CKLF: variants seen among roughly 807,000 people sequenced by gnomAD.
CKLF encodes the protein chemokine-like factor.
A neutral mutation model predicts 12.9 loss-of-function variants in CKLF; 16 were observed. The observed-to-expected ratio is 1.24, with a 90% confidence interval of 0.84 to 1.88. CKLF has a LOEUF of 1.88. Ranked by LOEUF, CKLF falls within the 40% of genes most tolerant of loss-of-function variation. The pLI is 0.00. For synonymous variants in CKLF, 61 were observed against 69.0 expected (o/e 0.88, Z 0.57); for missense variants, 172 against 188.5 (o/e 0.91, Z 0.51).
intron 1 of CKLF, among the ~76,000 whole-genome samples, chr16:66,556,270 A>G (rs2011450095): frequency 6.6e-6 from 1 of 152,196 alleles, no homozygotes; most frequent in Non-Finnish European, 1.5e-5. Context: ...GTCCACTAGG[A>G]TAAGGAATGA....
At chr16:66,562,698 A>G (rs992368507) in intron 2 of CKLF, among the ~76,000 whole-genome samples, 1 of 152,204 alleles carries the variant, frequency 6.6e-6, no homozygotes, top group Non-Finnish European at 1.5e-5. Flanking sequence ...GTTTAATAAA[A>G]TGAAACTTTC....
At chr16:66,557,651 T>C (rs1262646936) in intron 1 of CKLF, among the ~76,000 whole-genome samples, 2 of 152,206 alleles carry the variant, frequency 1.3e-5, no homozygotes, top group Non-Finnish European at 2.9e-5. Context: ...GAACAAGGGT[T>C]TCTGTGGGGA....
intron 2 of CKLF, among the ~76,000 whole-genome samples, chr16:66,559,993 CAG>C (rs1171975142): frequency 6.6e-6 from 1 of 152,102 alleles, no homozygotes; most frequent in Non-Finnish European, 1.5e-5. Context: ...GGAAGCAACA[CAG>C]AGAATATAGG....
intron 3 of CKLF, 105 bp downstream of exon 3, chr16:66,563,322 G>T: frequency 7.3e-7 from 1 of 1,372,036 alleles, no homozygotes; most frequent in Non-Finnish European, 1.0e-6. Flanking sequence ...TCATCCTTGA[G>T]ATTCCTAGGC....
At chr16:66,555,395 TAAG>T (rs1184351623) in intron 1 of CKLF, among the ~76,000 whole-genome samples, 3 of 152,116 alleles carry the variant, frequency 2.0e-5, no homozygotes, top group African/African-American at 7.2e-5. Flanking sequence ...AAGCAGGTAA[TAAG>T]AAGTGGCCAC....
Position 66,566,037 on chromosome 16 carries a change from C to CTAAG in CKLF, c.*29_*32dup. The stretch of plus-strand genomic sequence containing the variant: ...TTTTATATTACTTTTTAGTTTGATA[C>CTAAG]TAAGTATTAAACATATTTCTGTATT... On this transcript the variant is annotated 3_prime_UTR_variant, in exon 4 of 4. Transcript: ENST00000264001. This position sits in a 1 kb window ranked among gnomAD's most constrained non-coding sequence, Gnocchi z 4.9. 6.2e-7 allele frequency: 1 copy of CTAAG among 1,608,038 alleles called. No homozygotes were observed. The highest frequency in any genetic ancestry group is 8.5e-7 in the Non-Finnish European group (1 of 1,175,150).
intron 1 of CKLF, among the ~76,000 whole-genome samples, chr16:66,553,841 G>C (rs2011294028): frequency 6.6e-6 from 1 of 152,206 alleles, no homozygotes; most frequent in African/African-American, 2.4e-5. Flanking sequence ...CTTAAGGTGA[G>C]TGGGTTGAAC....
At position 66,558,223 on chromosome 16, in the gene CKLF, A is replaced by T; in HGVS notation, c.112A>T (p.Ile38Phe). The change falls in exon 2 of 4, where the codon ATC becomes TTC. Residue 38 changes from isoleucine to phenylalanine, a missense_variant. Ile to Phe is a conservative substitution (Grantham distance 21). Transcript: ENST00000264001. ...TGTGACATCTATGACCTTTTTTATC[A>T]TCGCACAAGCCCCTGAACCATATAT... Reference protein sequence around the residue: ...LTVTSMTFFIIAQAPEPYIVI... With the variant: ...LTVTSMTFFIFAQAPEPYIVI... 1 of 1,612,232 alleles carries T rather than the reference A, an allele frequency of 6.2e-7. No individual in the cohort carries two copies. The highest frequency in any genetic ancestry group is 8.5e-7 in the Non-Finnish European group (1 of 1,179,638).
chr16:66,559,572 GC>G (rs1160652321), intron 2 of CKLF, among the ~76,000 whole-genome samples: 1 of 152,184 alleles, frequency 6.6e-6, no homozygotes, highest in Non-Finnish European at 1.5e-5. Flanking sequence ...TTGTATAGTT[GC>G]TTTTCACACT....
At position 66,565,878 on chromosome 16, in the gene CKLF, C is replaced by G; in HGVS notation, c.334-8C>G. On this transcript the variant is annotated splice_region_variant and splice_polypyrimidine_tract_variant and intron_variant, in intron 3 of 3. Transcript: ENST00000264001. Reference sequence around the variant, plus strand: ...GGTTAGGGCAGTGACACTTGTCTTTCTTTCCAGGTGTTTGCACTTGTGACA... The same window carrying G: ...GGTTAGGGCAGTGACACTTGTCTTTGTTTCCAGGTGTTTGCACTTGTGACA... The G allele has an allele frequency of 6.2e-7, 1 of 1,613,474 alleles. No individual in the cohort carries two copies. Among genetic ancestry groups the G allele is most frequent in the Non-Finnish European group, 8.5e-7 (1 of 1,179,672 alleles).
At chr16:66,560,076 G>A (rs745730056) in intron 2 of CKLF, among the ~76,000 whole-genome samples, 34 of 152,156 alleles carry the variant, frequency 2.2e-4, no homozygotes, top group South Asian at 8.3e-4. Flanking sequence ...AGTCACAGTA[G>A]GCTGTGAAGA....
chr16:66,563,965 G>A (rs542683959), intron 3 of CKLF, among the ~76,000 whole-genome samples: 6 of 152,248 alleles, frequency 3.9e-5, no homozygotes, highest in South Asian at 2.1e-4. Flanking sequence ...GGGTCACTTA[G>A]GAGAACTCTC....
In CKLF at chr16:66,566,022, C is replaced by G. The variant is rs765947431; in HGVS notation, c.*11C>G. 6.2e-7 allele frequency: 1 copy of G among 1,608,440 alleles called. No individual in the cohort carries two copies. Among genetic ancestry groups the G allele is most frequent in the Admixed American group, 1.7e-5 (1 of 59,848 alleles). ...AAAGAAGTTTTGTAATTTTATATTA[C>G]TTTTTAGTTTGATACTAAGTATTAA... On this transcript the variant is annotated 3_prime_UTR_variant, in exon 4 of 4. Transcript: ENST00000264001. This position sits in a 1 kb window ranked among gnomAD's most constrained non-coding sequence, Gnocchi z 4.9.
intron 2 of CKLF, among the ~76,000 whole-genome samples, chr16:66,558,932 A>C (rs1391681832): frequency 6.6e-6 from 1 of 152,252 alleles, no homozygotes; most frequent in East Asian, 1.9e-4. Context: ...TGGAATGCCC[A>C]GATGGTTCTG....
chr16:66,558,213 C>CT lies in CKLF; in HGVS notation c.108dup (p.Ile37TyrfsTer7), dbSNP rs1443302361. The CT allele has an allele frequency of 4.3e-6, 7 of 1,612,312 alleles. No individual in the cohort carries two copies. Among genetic ancestry groups the CT allele is most frequent in the African/African-American group, 2.7e-5 (2 of 74,890 alleles). On this transcript the variant is annotated frameshift_variant, in exon 2 of 4. Transcript: ENST00000264001. LOFTEE classifies it high-confidence loss of function. Reference sequence around the variant, plus strand: ...AGGCACTAACTGTGACATCTATGACCTTTTTTATCATCGCACAAGCCCCTG... The same window carrying CT: ...AGGCACTAACTGTGACATCTATGACCTTTTTTTATCATCGCACAAGCCCCTG...
Position 66,552,676 on chromosome 16 carries a change from A to T in CKLF, c.-40A>T. 1 of 1,613,522 alleles carries T rather than the reference A, an allele frequency of 6.2e-7. No homozygotes were observed. Among genetic ancestry groups the T allele is most frequent in the Non-Finnish European group, 8.5e-7 (1 of 1,179,560 alleles). ...AACCTACTCAGGCAGCCAGCTGAGAAGAGTTGAGGGAAAGTGCTGCTGCTG... is the reference window on the plus strand; with the variant it reads ...AACCTACTCAGGCAGCCAGCTGAGATGAGTTGAGGGAAAGTGCTGCTGCTG... On this transcript the variant is annotated 5_prime_UTR_variant, in exon 1 of 4. The change creates a new upstream start codon in the 5' untranslated region. Transcript: ENST00000264001.
At chr16:66,562,743 CAG>C (rs1361306734) in intron 2 of CKLF, among the ~76,000 whole-genome samples, 1 of 152,120 alleles carries the variant, frequency 6.6e-6, no homozygotes, top group East Asian at 1.9e-4. Context: ...TTTGTTGCAA[CAG>C]AGTCTCACTC....
chr16:66,557,277 C>T (rs1452675877), intron 1 of CKLF, among the ~76,000 whole-genome samples: 11 of 152,156 alleles, frequency 7.2e-5, no homozygotes, highest in Non-Finnish European at 7.4e-5. Flanking sequence ...AAGCGATTCT[C>T]CTGCCTCAGC....
At chr16:66,556,169 C>T (rs1318558861) in intron 1 of CKLF, among the ~76,000 whole-genome samples, 3 of 151,620 alleles carry the variant, frequency 2.0e-5, no homozygotes, top group African/African-American at 4.9e-5. Flanking sequence ...AGAGAACAGT[C>T]GCGGAGGTTT....
Sources: allele counts gnomAD v4.1 joint callset (sites outside exome capture counted in the v4.1 genomes callset), GRCh38; gene constraint gnomAD v4.1.1; non-coding constraint Gnocchi (gnomAD v3.1); transcripts MANE v1.5; gene names NCBI Gene and HGNC (gene_info 2026-07-23, HGNC 2026-07-21).